The following MMP16 variants were observed in gnomAD, a reference collection of about 807,000 sequenced individuals.
MMP16 encodes the protein matrix metallopeptidase 16, also known as matrix metalloproteinase-16.
A neutral mutation model predicts 67.8 loss-of-function variants in MMP16; 12 were observed. The ratio of observed to expected loss-of-function variants is 0.18; its 90% CI spans 0.11 to 0.29. The LOEUF is 0.29. Among genes scored for constraint, MMP16 ranks in the 10% least tolerant of loss-of-function variants. MMP16 has a pLI of 1.00. For missense variants in MMP16, 475 were observed against 765.7 expected, an observed-to-expected ratio of 0.62 and a Z score of 4.48; for synonymous variants, 249 against 255.9, an observed-to-expected ratio of 0.97 and a Z score of 0.26.
intron 6 of MMP16, among the ~76,000 whole-genome samples, chr8:88,092,054 A>G (rs901518759): frequency 6.6e-6 from 1 of 151,860 alleles, no homozygotes; most frequent in African/African-American, 2.4e-5. Context: ...ATCCAAGACT[A>G]TGAGAAAATG....
intron 1 of MMP16, among the ~76,000 whole-genome samples, chr8:88,208,759 C>T (rs560279208): frequency 7.0e-6 from 1 of 143,280 alleles, no homozygotes; most frequent in South Asian, 2.2e-4. Flanking sequence ...TTGTGCATGA[C>T]TTCACAGGAT....
At chr8:88,272,742 T>C (rs527527726) in intron 1 of MMP16, among the ~76,000 whole-genome samples, 1 of 152,290 alleles carries the variant, frequency 6.6e-6, no homozygotes, top group South Asian at 2.1e-4. Context: ...TTTTCAAAAT[T>C]GCAGAACAGT....
In MMP16 at chr8:88,163,609, TA is replaced by T. The variant is rs548548475; in HGVS notation, c.709+4059del. On this transcript the variant is annotated intron_variant, in intron 4 of 9. Coordinates refer to ENST00000286614, the MANE Select transcript of MMP16 (RefSeq NM_005941.5). ...TTTGCTTGGAGTATCCGTTTAAAAT[TA>T]TATTACTTCTGTAGATGCTTGTCTA... is the stretch of plus-strand genomic sequence containing the variant. Among the ~76,000 whole-genome samples, 99 of 152,242 alleles carry T rather than the reference TA, an allele frequency of 6.5e-4. 1 individual carries two copies. Among genetic ancestry groups the T allele is most frequent in the African/African-American group, 2.3e-3 (94 of 41,576 alleles).
At chr8:88,320,224 T>C (rs1217405531) in intron 1 of MMP16, among the ~76,000 whole-genome samples, 1 of 152,194 alleles carries the variant, frequency 6.6e-6, no homozygotes, top group Non-Finnish European at 1.5e-5. Flanking sequence ...CATTGAAAAG[T>C]ATTTATTCAA....
At chr8:88,215,216 G>A (rs1809571143) in intron 1 of MMP16, among the ~76,000 whole-genome samples, 1 of 151,946 alleles carries the variant, frequency 6.6e-6, no homozygotes. Context: ...TGTAATCCCA[G>A]CTACTCAGGA....
intron 8 of MMP16, among the ~76,000 whole-genome samples, chr8:88,048,474 T>G (rs775358629): frequency 1.3e-5 from 2 of 152,004 alleles, no homozygotes; most frequent in Non-Finnish European, 2.9e-5. Flanking sequence ...TCACTGGGAG[T>G]TCACAGTGAT....
chr8:88,224,251 A>C (rs143142573), intron 1 of MMP16, among the ~76,000 whole-genome samples: 3 of 152,070 alleles, frequency 2.0e-5, no homozygotes, highest in African/African-American at 4.8e-5. Context: ...ACAAAGTTCC[A>C]GTTTAATCTT....
At chr8:88,259,436 A>G (rs1810353454) in intron 1 of MMP16, among the ~76,000 whole-genome samples, 1 of 152,152 alleles carries the variant, frequency 6.6e-6, no homozygotes, top group Admixed American at 6.6e-5. Context: ...GTAACTACAC[A>G]ACCCTACTAT....
chr8:88,126,085 C>G (rs17721510), intron 4 of MMP16, among the ~76,000 whole-genome samples: 88,404 of 151,646 alleles, frequency 0.58, 26,189 homozygotes, highest in African/African-American at 0.68. Context: ...TCCAGACCAG[C>G]AACAAATATA....
At chr8:88,148,268 C>A (rs554203848) in intron 4 of MMP16, among the ~76,000 whole-genome samples, 1 of 152,160 alleles carries the variant, frequency 6.6e-6, no homozygotes. Context: ...TAAAAGATAT[C>A]CTATTTTAAT....
chr8:88,225,339 T>C (rs1472972677), intron 1 of MMP16, among the ~76,000 whole-genome samples: 1 of 152,024 alleles, frequency 6.6e-6, no homozygotes, highest in Non-Finnish European at 1.5e-5. Flanking sequence ...TCCATGTTCT[T>C]CTCTTACCAT....
intron 2 of MMP16, among the ~76,000 whole-genome samples, chr8:88,189,020 C>A (rs1370286161): frequency 1.3e-5 from 2 of 152,178 alleles, no homozygotes; most frequent in South Asian, 2.1e-4. Context: ...TGCTGAATCC[C>A]TTATATAAGT....
rs1811523656 is a variant in MMP16 at position 88,325,613 on chromosome 8, T to C, written c.132+1462A>G. 2.0e-5 allele frequency among the ~76,000 whole-genome samples: 3 copies of C among 152,214 alleles called. 1 individual carries two copies. The South Asian group carries it at 6.2e-4, about 32-fold the overall frequency. Reference sequence around the variant, plus strand: ...AATGTTAGGTACAAAAATCCATCTGTGGCACGTAATTCCAAAAGTTCAAAT... The same window carrying C: ...AATGTTAGGTACAAAAATCCATCTGCGGCACGTAATTCCAAAAGTTCAAAT... On this transcript the variant is annotated intron_variant, in intron 1 of 9. Coordinates refer to ENST00000286614, the MANE Select transcript of MMP16 (RefSeq NM_005941.5).
chr8:88,049,840 A>G (rs1408618251), intron 8 of MMP16, among the ~76,000 whole-genome samples: 1 of 152,126 alleles, frequency 6.6e-6, no homozygotes, highest in Non-Finnish European at 1.5e-5. Flanking sequence ...CCTAGGCAAC[A>G]TGGTGAAACC....
chr8:88,149,030 G>A (rs963411986), intron 4 of MMP16, among the ~76,000 whole-genome samples: 2 of 152,206 alleles, frequency 1.3e-5, no homozygotes, highest in South Asian at 2.1e-4. Context: ...AAAGCAGGGC[G>A]AGGCATTGCC....
intron 1 of MMP16, among the ~76,000 whole-genome samples, chr8:88,319,858 T>C (rs1156775494): frequency 6.6e-6 from 1 of 152,196 alleles, no homozygotes; most frequent in Non-Finnish European, 1.5e-5. Flanking sequence ...GTCATTTGAA[T>C]ACATCACTCT....
intron 1 of MMP16, among the ~76,000 whole-genome samples, chr8:88,245,169 C>T (rs968824987): frequency 6.6e-6 from 1 of 152,086 alleles, no homozygotes; most frequent in Non-Finnish European, 1.5e-5. Context: ...TCTCAATACG[C>T]GAATATTGGA....
At chr8:88,244,942 C>G (rs1810090156) in intron 1 of MMP16, among the ~76,000 whole-genome samples, 1 of 152,114 alleles carries the variant, frequency 6.6e-6, no homozygotes, top group African/African-American at 2.4e-5. Flanking sequence ...GTCTTCAATT[C>G]CAGTGAAACA....
rs1040691192 is a variant in MMP16, at chr8:88,205,484, A to G, written c.133-8178T>C. ...AGCTGTGGCTGCATATGTTCTGGGT[A>G]TAACACTAACTCCTACTTCTAAGAG... On this transcript the variant is annotated intron_variant, in intron 1 of 9. Coordinates refer to ENST00000286614, the MANE Select transcript of MMP16 (RefSeq NM_005941.5). Among the ~76,000 whole-genome samples, 4 of 152,348 alleles carry G rather than the reference A, an allele frequency of 2.6e-5. 1 individual carries two copies. The highest frequency in any genetic ancestry group is 2.1e-4 in the South Asian group (1 of 4,822).
Sources: gnomAD v4.1 joint callset for allele counts (sites outside exome capture counted in the v4.1 genomes callset) on GRCh38, gnomAD v4.1.1 for gene constraint, MANE v1.5 for transcripts, NCBI Gene and HGNC (gene_info 2026-07-23, HGNC 2026-07-21) for gene names.